The following LRRN4 variants were observed in gnomAD, a reference collection of about 807,000 sequenced individuals.
LRRN4 encodes leucine-rich repeat neuronal protein 4.
In LRRN4, 26 loss-of-function variants were observed where a neutral mutation model predicts 22.3. That is an observed-to-expected ratio of 1.16 (90% CI 0.85 to 1.62). The LOEUF is 1.62. Among genes scored for constraint, LRRN4 ranks in the 40% most tolerant of loss-of-function variants. The pLI, the probability that LRRN4 is intolerant of heterozygous loss-of-function variation, is 0.00. For missense variants in LRRN4, 1,070 were observed against 1,008.5 expected, an observed-to-expected ratio of 1.06 and a Z score of -0.83; for synonymous variants, 496 against 486.2, an observed-to-expected ratio of 1.02 and a Z score of -0.26.
intron 2 of LRRN4, among the ~76,000 whole-genome samples, chr20:6,051,186 T>A (rs974221696): frequency 1.2e-4 from 18 of 152,194 alleles, no homozygotes; most frequent in African/African-American, 3.9e-4. Context: ...CTTCCTTTCT[T>A]CCAATCTGAG....
chr20:6,051,061 G>T, intron 2 of LRRN4, 78 bp from the exon 3 acceptor site: 2 of 1,273,808 alleles, frequency 1.6e-6, no homozygotes, highest in South Asian at 1.2e-5. Context: ...AAGGAAGAAC[G>T]AGAGTGGCAA....
rs529753609 is a variant in LRRN4 at position 6,041,195 on chromosome 20, G to A, written c.2050C>T (p.Leu684Phe). 26 of 1,590,822 alleles carry A rather than the reference G, an allele frequency of 1.6e-5. No individual in the cohort carries two copies. The East Asian group carries it at 1.8e-4, about 11-fold the overall frequency. Residue 684 changes from leucine (L) to phenylalanine (F), a missense_variant, in exon 5 of 5, where the codon CTC (leucine) becomes TTC (phenylalanine). By Grantham distance (22) the Leu-to-Phe change is conservative. Coordinates refer to ENST00000378858, the MANE Select transcript of LRRN4 (RefSeq NM_152611.5). The surrounding 1 kb of genome is among the most constrained non-coding windows in gnomAD (Gnocchi z 9.4). ...FTTKPSFALL[L>F]SGLCAASGLL... The stretch of plus-strand genomic sequence containing the variant: ...CCGCTGGCGGCGCACAGCCCAGAGA[G>A]CAGGAGCGCGAAGCTGGGCTTGGTG...
Position 6,052,848 on chromosome 20 carries a change from C to A in LRRN4, c.-5-44G>T. On this transcript the variant is annotated intron_variant, in intron 1 of 4. Coordinates refer to ENST00000378858, the MANE Select transcript of LRRN4 (RefSeq NM_152611.5). ...GACGCCCATCAAATCCACAGGAACC[C>A]CCGCACAAAGAGTCAGATGCGCGTC... The A allele has an allele frequency of 2.7e-6, 4 of 1,503,046 alleles. No homozygotes were observed. In the South Asian group the frequency reaches 5.0e-5, roughly 19 times the overall value. 93.1% of individuals were successfully genotyped at this position (1,503,046 alleles called of 1,614,324 possible).
At chr20:6,044,782 A>C in intron 3 of LRRN4, 102 bp from the exon 4 acceptor site, 1 of 1,112,960 alleles carries the variant, frequency 9.0e-7, no homozygotes, top group East Asian at 3.0e-5. Flanking sequence ...TGGTATCAGA[A>C]GCATTCTGAT....
chr20:6,048,747 C>T (rs574362163), intron 3 of LRRN4, among the ~76,000 whole-genome samples: 10 of 152,144 alleles, frequency 6.6e-5, no homozygotes, highest in South Asian at 2.1e-4. Flanking sequence ...CAATTAGATA[C>T]GTGATTCTGG....
At position 6,053,830 on chromosome 20, in the gene LRRN4, C is replaced by T. The variant is rs547939397; in HGVS notation, c.-6G>A. On this transcript the variant is annotated splice_region_variant and 5_prime_UTR_variant, in exon 1 of 5. Transcript: ENST00000378858. ...GCACCCAGCAGTGTGTCATGCTTAC[C>T]TGGAAGTGGTCCTTTTGGAGTGTGG... The T allele has an allele frequency of 1.3e-5, 2 of 152,390 alleles. No homozygotes were observed. Among genetic ancestry groups the T allele is most frequent in the African/African-American group, 4.8e-5 (2 of 41,548 alleles). 9.4% of individuals were successfully genotyped at this position (152,390 alleles called of 1,614,324 possible).
At position 6,040,831 on chromosome 20, in the gene LRRN4, G is replaced by C. The variant is rs769136433; in HGVS notation, c.*191C>G. 4.5e-4 allele frequency: 329 copies of C among 728,116 alleles called. 3 individuals are homozygous for C. The highest frequency in any genetic ancestry group is 1.1e-4 in the Non-Finnish European group (49 of 455,604). The allele number at this position is 728,116 out of a possible 1,614,324, so 45.1% of individuals were successfully genotyped here. ...ATCAGGTTTCTGGGAACAGAGTTAA[G>C]TAGAAGGAAGGGAGGGCAGCAGTTC... On this transcript the variant is annotated 3_prime_UTR_variant, in exon 5 of 5. Coordinates refer to ENST00000378858, the MANE Select transcript of LRRN4 (RefSeq NM_152611.5).
Position 6,040,873 on chromosome 20 carries a change from C to T in LRRN4, c.*149G>A, listed in dbSNP as rs1243926460. The T allele has an allele frequency of 9.6e-7, 1 of 1,041,570 alleles. No homozygotes were observed. The highest frequency in any genetic ancestry group is 1.4e-6 in the Non-Finnish European group (1 of 729,986). 64.5% of individuals were successfully genotyped at this position (1,041,570 alleles called of 1,614,324 possible). ...CAGCAGTTCCTTGGACCCAGACACT[C>T]AGTGTGGCAAGTTCCATGTGTGCTC... is the stretch of plus-strand genomic sequence containing the variant. On this transcript the variant is annotated 3_prime_UTR_variant, in exon 5 of 5. Coordinates refer to ENST00000378858, the MANE Select transcript of LRRN4 (RefSeq NM_152611.5).
At chr20:6,047,850 A>T (rs1981147694) in intron 3 of LRRN4, among the ~76,000 whole-genome samples, 1 of 152,002 alleles carries the variant, frequency 6.6e-6, no homozygotes, top group Non-Finnish European at 1.5e-5. Context: ...CCCATAATAT[A>T]AATGAAAATA....
rs1353244804 is a variant in LRRN4, at chr20:6,041,453, C to T, written c.1792G>A (p.Val598Ile). The T allele has an allele frequency of 6.4e-7, 1 of 1,554,838 alleles. No individual in the cohort carries two copies. The highest frequency in any genetic ancestry group is 8.7e-7 in the Non-Finnish European group (1 of 1,148,600). Reference protein sequence around the residue: ...VTETTDTSALVHWCAPNSVVH... With the variant: ...VTETTDTSALIHWCAPNSVVH... ...ACCGAGTTGGGGGCACACCAGTGGA[C>T]CAGCGCCGACGTGTCCGTGGTCTCC... Residue 598 changes from valine (V) to isoleucine (I), a missense_variant, in exon 5 of 5, where the codon GTC becomes ATC. Transcript: ENST00000378858. This position sits in a 1 kb window ranked among gnomAD's most constrained non-coding sequence, Gnocchi z 9.4.
chr20:6,051,011 T>C, intron 2 of LRRN4, 28 bp from the exon 3 acceptor site: 4 of 1,606,508 alleles, frequency 2.5e-6, no homozygotes, highest in Non-Finnish European at 3.4e-6. Flanking sequence ...AACTGCCAAC[T>C]ACTCCAGAAC....
rs1568639772 is a variant in LRRN4 at position 6,042,168 on chromosome 20, G to C, written c.1077C>G (p.Pro359=). Residue 359 remains proline (P), a synonymous_variant, in exon 5 of 5, where the codon CCC becomes CCG. Transcript: ENST00000378858. ...TGCTTTGGTCGGACTGGCACACTCC[G>C]GGCAGCTGGGAGAGTGACAGGGAGG... ...FSASLSLSQL[P]GVCQSDQSTT... is the part of the protein sequence containing the mutation. 4 of 1,614,110 alleles carry C rather than the reference G, an allele frequency of 2.5e-6. No individual in the cohort carries two copies. Among genetic ancestry groups the C allele is most frequent in the African/African-American group, 1.3e-5 (1 of 75,048 alleles).
At position 6,052,592 on chromosome 20, in the gene LRRN4, G is replaced by T; in HGVS notation, c.208C>A (p.Pro70Thr). ...CGCAGTGTGCGCGGTAGGCAGCCGG[G>T]CAGGCGCTCCAGGTTGCGGTTCGCC... is the stretch of plus-strand genomic sequence containing the variant. ...TLANRNLERL[P>T]GCLPRTLRSL... The change falls in exon 2 of 5, where the codon CCC becomes ACC. Residue 70 changes from proline (P) to threonine (T), a missense_variant. Transcript: ENST00000378858. 6.3e-7 allele frequency: 1 copy of T among 1,585,158 alleles called. No homozygotes were observed.
At chr20:6,043,742 C>A (rs1038470068) in intron 4 of LRRN4, among the ~76,000 whole-genome samples, 1 of 151,962 alleles carries the variant, frequency 6.6e-6, no homozygotes, top group African/African-American at 2.4e-5. Context: ...TCCATCTCTA[C>A]AAAAAGATTA....
rs184590216 is a variant in LRRN4, at chr20:6,046,828, T to C, written c.861-2148A>G. On this transcript the variant is annotated intron_variant, in intron 3 of 4. Transcript: ENST00000378858. ...GCATATACAAGTGTATATATGTATA[T>C]ATGCGTGTATGCTTGTTTTTGCAGA... Among the ~76,000 whole-genome samples, 42 of 149,196 alleles carry C rather than the reference T, an allele frequency of 2.8e-4. 2 individuals are homozygous for C. The South Asian group carries it at 8.5e-3, about 30-fold the overall frequency.
chr20:6,053,673 C>T (rs1981320808), intron 1 of LRRN4, among the ~76,000 whole-genome samples, 157 bp downstream of exon 1: 1 of 152,190 alleles, frequency 6.6e-6, no homozygotes, highest in Admixed American at 6.5e-5. Flanking sequence ...GATGTGTATT[C>T]CTGCCCCAGC....
In LRRN4 at chr20:6,041,030, C is replaced by G. The variant is rs1301411168; in HGVS notation, c.2215G>C (p.Val739Leu). ...TTATCCCAGAAGCTGGGCTAACTGA[C>G]GGTCTGGAGCCCCAGCGGGTAATCA... is the stretch of plus-strand genomic sequence containing the variant. ...FDDYPLGLQT[V>L]S is the part of the protein sequence containing the mutation. Residue 739 changes from valine to leucine, a missense_variant, in exon 5 of 5, where the codon GTC becomes CTC. Transcript: ENST00000378858. The surrounding 1 kb of genome is among the most constrained non-coding windows in gnomAD (Gnocchi z 9.4). 1 of 1,613,530 alleles carries G rather than the reference C, an allele frequency of 6.2e-7. No homozygotes were observed. Among genetic ancestry groups the G allele is most frequent in the African/African-American group, 1.3e-5 (1 of 74,908 alleles).
rs569397671 is a variant in LRRN4 at position 6,049,956 on chromosome 20, C to T, written c.860+823G>A. 2.3e-4 allele frequency among the ~76,000 whole-genome samples: 35 copies of T among 152,362 alleles called. No homozygotes were observed. In the South Asian group the frequency reaches 5.4e-3, roughly 23 times the overall value. On this transcript the variant is annotated intron_variant, in intron 3 of 4. Coordinates refer to ENST00000378858, the MANE Select transcript of LRRN4 (RefSeq NM_152611.5). ...CCATCAGCATCTCCATTATAACCACCACCATCATCTTCACTAATTTTAGAG... is the reference window on the plus strand; with the variant it reads ...CCATCAGCATCTCCATTATAACCACTACCATCATCTTCACTAATTTTAGAG...
Position 6,044,652 on chromosome 20 carries a change from T to A in LRRN4, c.889A>T (p.Thr297Ser). ...NCNLSSFPPWTLDSSQVLSIN... is the reference protein window; with the variant it reads ...NCNLSSFPPWSLDSSQVLSIN... ...GATAGGACCTGGGAGGAATCCAGGG[T>A]CCAAGGAGGGAAGGAACTCAAGTTG... Residue 297 changes from threonine (T) to serine (S), a missense_variant, in exon 4 of 5, where the codon ACC (threonine) becomes TCC (serine). Physicochemically the swap from Thr to Ser is moderately conservative, Grantham distance 58. Coordinates refer to ENST00000378858, the MANE Select transcript of LRRN4 (RefSeq NM_152611.5). The A allele has an allele frequency of 6.4e-7, 1 of 1,561,764 alleles. No individual in the cohort carries two copies. Among genetic ancestry groups the A allele is most frequent in the Non-Finnish European group, 8.6e-7 (1 of 1,156,864 alleles).
Sources: gnomAD v4.1 joint callset for allele counts (sites outside exome capture counted in the v4.1 genomes callset) on GRCh38, gnomAD v4.1.1 for gene constraint, Gnocchi (gnomAD v3.1) non-coding constraint, MANE v1.5 for transcripts, NCBI Gene and HGNC (gene_info 2026-07-23, HGNC 2026-07-21) for gene names.